The following RAB28 variants were observed in gnomAD, a reference collection of about 807,000 sequenced individuals.
RAB28 encodes the protein ras-related protein Rab-28.
Under a neutral mutation model 31.7 loss-of-function variants are expected in RAB28, and 24 were observed. The ratio of observed to expected loss-of-function variants is 0.76; its 90% CI spans 0.55 to 1.06. RAB28 has a LOEUF of 1.06. RAB28 is among the 50% of genes least tolerant of loss of function. RAB28 has a pLI of 0.00. For synonymous variants in RAB28, 100 were observed against 90.4 expected (o/e 1.11, Z -0.60); for missense variants, 254 against 258.5 (o/e 0.98, Z 0.12).
intron 4 of RAB28, among the ~76,000 whole-genome samples, chr4:13,390,994 G>A (rs1219892221): frequency 6.6e-6 from 1 of 151,996 alleles, no homozygotes; most frequent in Non-Finnish European, 1.5e-5. Context: ...CATAGGCATG[G>A]GCAAGGACTT....
chr4:13,424,850 T>C (rs1713386660), intron 4 of RAB28, among the ~76,000 whole-genome samples: 1 of 152,168 alleles, frequency 6.6e-6, no homozygotes, highest in Non-Finnish European at 1.5e-5. Context: ...AATTTCTCTC[T>C]CTACTATTTC....
rs139134765 is a variant in RAB28, at chr4:13,369,899, T to C, written c.574-1249A>G. 29 of 1,612,158 alleles carry C rather than the reference T, an allele frequency of 1.8e-5. No homozygotes were observed. The highest frequency in any genetic ancestry group is 4.0e-5 in the African/African-American group (3 of 74,800). ...CACTACTGTACTGAACAGATTCTAC[T>C]CTGAGTAGAGGTGGTATGTTGATTT... On this transcript the variant is annotated intron_variant, in intron 6 of 6. Transcript: ENST00000330852.
intron 4 of RAB28, among the ~76,000 whole-genome samples, chr4:13,388,778 T>C (rs1396106118): frequency 1.3e-5 from 2 of 151,956 alleles, no homozygotes; most frequent in South Asian, 2.1e-4. Flanking sequence ...AATATCACCA[T>C]TAAGGTGGCT....
chr4:13,423,607 A>T (rs1713302950), intron 4 of RAB28, among the ~76,000 whole-genome samples: 1 of 152,154 alleles, frequency 6.6e-6, no homozygotes, highest in South Asian at 2.1e-4. Context: ...TTCATTAGGT[A>T]TTGTCCATAG....
Position 13,429,991 on chromosome 4 carries a change from G to A in RAB28, c.391+30708C>T, listed in dbSNP as rs1368190925. On this transcript the variant is annotated intron_variant, in intron 4 of 6. Coordinates refer to ENST00000330852, the MANE Select transcript of RAB28 (RefSeq NM_001017979.3). ...ATACTGGTATAAGGACAGACATATA[G>A]GTCAATGAAACAGAAGTGAGAGTCC... 2.6e-5 allele frequency among the ~76,000 whole-genome samples: 4 copies of A among 152,208 alleles called. No individual in the cohort carries two copies. The East Asian group carries it at 7.7e-4, about 29-fold the overall frequency.
At chr4:13,472,068 T>C (rs571071273) in intron 3 of RAB28, among the ~76,000 whole-genome samples, 42 of 152,210 alleles carry the variant, frequency 2.8e-4, no homozygotes, top group Non-Finnish European at 2.1e-4. Context: ...ATAAAATATA[T>C]ACTGTCAAAA....
At chr4:13,381,050 T>C (rs1028007853) in intron 5 of RAB28, among the ~76,000 whole-genome samples, 5 of 152,172 alleles carry the variant, frequency 3.3e-5, no homozygotes, top group African/African-American at 1.2e-4. Context: ...CCTCCACTTA[T>C]TAGCCGTGTA....
intron 4 of RAB28, among the ~76,000 whole-genome samples, chr4:13,443,204 T>A (rs897771994): frequency 3.3e-5 from 5 of 151,726 alleles, no homozygotes; most frequent in East Asian, 3.9e-4. Flanking sequence ...AGACGGAGTC[T>A]CCTTCTATCA....
At chr4:13,369,820 A>T (rs1728647283) in intron 6 of RAB28, 1 of 1,520,342 alleles carries the variant, frequency 6.6e-7, no homozygotes, top group African/African-American at 1.4e-5. Context: ...ATAGCATTCA[A>T]TGGTTCTCCC....
chr4:13,384,099 C>G (rs957325917), intron 4 of RAB28, among the ~76,000 whole-genome samples: 1 of 152,190 alleles, frequency 6.6e-6, no homozygotes, highest in South Asian at 2.1e-4. Context: ...CAGAGCCTCA[C>G]CCCTGCACCA....
chr4:13,451,205 A>G (rs918754051), intron 4 of RAB28, among the ~76,000 whole-genome samples: 2 of 151,618 alleles, frequency 1.3e-5, no homozygotes, highest in African/African-American at 2.4e-5. Flanking sequence ...TTTCTTCTGT[A>G]TTTTTTATAA....
Position 13,368,018 on chromosome 4 carries a change from A to G in RAB28, c.*540T>C. On this transcript the variant is annotated 3_prime_UTR_variant, in exon 7 of 7. Transcript: ENST00000330852. ...TTTTAAAAAATGAAAAAATATTTCT[A>G]TTACAGGCTTATTTCAAGCATTTTC... 3 of 971,624 alleles carry G rather than the reference A, an allele frequency of 3.1e-6. No individual in the cohort carries two copies. Among genetic ancestry groups the G allele is most frequent in the Non-Finnish European group, 3.7e-6 (3 of 817,406 alleles). 60.2% of individuals were successfully genotyped at this position (971,624 alleles called of 1,614,324 possible).
chr4:13,480,430 C>CT (rs1300053036), intron 1 of RAB28, among the ~76,000 whole-genome samples: 1 of 151,844 alleles, frequency 6.6e-6, no homozygotes, highest in Non-Finnish European at 1.5e-5. Context: ...AGACTCCCTA[C>CT]TTTAAGAGAA....
intron 6 of RAB28, among the ~76,000 whole-genome samples, chr4:13,372,923 C>T (rs189458658): frequency 8.8e-4 from 133 of 151,854 alleles, no homozygotes; most frequent in African/African-American, 2.9e-3. Context: ...TTTGAGGGGA[C>T]AATAAGGAAT....
At chr4:13,390,338 T>C (rs1232040277) in intron 4 of RAB28, among the ~76,000 whole-genome samples, 1 of 151,986 alleles carries the variant, frequency 6.6e-6, no homozygotes, top group Non-Finnish European at 1.5e-5. Flanking sequence ...TGCCTAGGAA[T>C]CCAATTTACA....
intron 4 of RAB28, among the ~76,000 whole-genome samples, chr4:13,441,335 C>T (rs1241703592): frequency 6.6e-6 from 1 of 152,156 alleles, no homozygotes; most frequent in Non-Finnish European, 1.5e-5. Flanking sequence ...TCGATTTAGC[C>T]TAATTAATTA....
At chr4:13,433,845 A>AAT (rs1310885370) in intron 4 of RAB28, among the ~76,000 whole-genome samples, 2 of 151,816 alleles carry the variant, frequency 1.3e-5, no homozygotes, top group Non-Finnish European at 2.9e-5. Context: ...TTTACCGAAA[A>AAT]ATATATATAT....
At chr4:13,401,697 T>A (rs951600802) in intron 4 of RAB28, among the ~76,000 whole-genome samples, 7 of 152,214 alleles carry the variant, frequency 4.6e-5, no homozygotes, top group Non-Finnish European at 1.0e-4. Flanking sequence ...CTTTTTTTAT[T>A]GTCATTTTGG....
intron 4 of RAB28, among the ~76,000 whole-genome samples, chr4:13,425,759 T>C (rs906851730): frequency 6.6e-6 from 1 of 152,212 alleles, no homozygotes; most frequent in Non-Finnish European, 1.5e-5. Flanking sequence ...TTTAGTTGCT[T>C]ATATTTGCTT....
Sources: gnomAD v4.1 joint callset for allele counts (sites outside exome capture counted in the v4.1 genomes callset) on GRCh38, gnomAD v4.1.1 for gene constraint, MANE v1.5 for transcripts, NCBI Gene and HGNC (gene_info 2026-07-23, HGNC 2026-07-21) for gene names.